The following SMPDL3B variants were observed in gnomAD, a reference collection of about 807,000 sequenced individuals.
SMPDL3B encodes the protein acid sphingomyelinase-like phosphodiesterase 3b.
Under a neutral mutation model 37.9 loss-of-function variants are expected in SMPDL3B, and 31 were observed. That is an observed-to-expected ratio of 0.82 (90% CI 0.61 to 1.10). The LOEUF (loss-of-function observed/expected upper bound fraction) is 1.10. Among genes scored for constraint, SMPDL3B ranks in the 50% least tolerant of loss-of-function variants. The pLI, the probability that SMPDL3B is intolerant of heterozygous loss-of-function variation, is 0.00. For synonymous variants in SMPDL3B, 235 were observed against 242.6 expected, an observed-to-expected ratio of 0.97 and a Z score of 0.29; for missense variants, 525 against 597.8, an observed-to-expected ratio of 0.88 and a Z score of 1.27.
At chr1:27,947,085 G>A (rs1434647692) in intron 2 of SMPDL3B, among the ~76,000 whole-genome samples, 1 of 150,188 alleles carries the variant, frequency 6.7e-6, no homozygotes. Context: ...TGCCCAGGCT[G>A]GAGTGCAATG....
In SMPDL3B at chr1:27,958,063, T is replaced by A. The variant is rs1638341810; in HGVS notation, c.1006-413T>A. 6.6e-6 allele frequency among the ~76,000 whole-genome samples: 1 copy of A among 152,186 alleles called. No individual in the cohort carries two copies. The highest frequency in any genetic ancestry group is 1.5e-5 in the Non-Finnish European group (1 of 68,022). On this transcript the variant is annotated intron_variant, in intron 7 of 7. Coordinates refer to ENST00000373894, the MANE Select transcript of SMPDL3B (RefSeq NM_014474.4). The surrounding 1 kb of genome is among the most constrained non-coding windows in gnomAD (Gnocchi z 5.6). ...CTGGGTCCTAGGAGTCTACAGTTCATAATCTCTCTCATGCTTAGTGTTGCT... is the reference window on the plus strand; with the variant it reads ...CTGGGTCCTAGGAGTCTACAGTTCAAAATCTCTCTCATGCTTAGTGTTGCT...
chr1:27,957,787 C>T (rs1638334772), intron 7 of SMPDL3B, among the ~76,000 whole-genome samples: 1 of 152,152 alleles, frequency 6.6e-6, no homozygotes, highest in African/African-American at 2.4e-5. Context: ...TGAATCCTGG[C>T]TCCACCACTC....
Position 27,945,183 on chromosome 1 carries a change from A to G in SMPDL3B, c.62-49A>G, listed in dbSNP as rs538609600. ...GGCTCCCCTGGACTTCCTTGCTTCC[A>G]GGCTGAGAGAGAGACCAGCTTTGAA... On this transcript the variant is annotated intron_variant, in intron 1 of 7. Transcript: ENST00000373894. The surrounding 1 kb of genome is among the most constrained non-coding windows in gnomAD (Gnocchi z 4.0). 3 of 1,590,022 alleles carry G rather than the reference A, an allele frequency of 1.9e-6. No homozygotes were observed. In the South Asian group the frequency reaches 3.3e-5, roughly 18 times the overall value.
rs937254138 is a variant in SMPDL3B at position 27,958,292 on chromosome 1, G to A, written c.1006-184G>A. Among the ~76,000 whole-genome samples, 1 of 152,116 alleles carries A rather than the reference G, an allele frequency of 6.6e-6. No homozygotes were observed. Among genetic ancestry groups the A allele is most frequent in the African/African-American group, 2.4e-5 (1 of 41,400 alleles). ...CTCATTTGTGAAACCTAGGTAATAA[G>A]CGCAGTTACCTCATTCGATTCAGAG... is the stretch of plus-strand genomic sequence containing the variant. On this transcript the variant is annotated intron_variant, in intron 7 of 7. Coordinates refer to ENST00000373894, the MANE Select transcript of SMPDL3B (RefSeq NM_014474.4). The surrounding 1 kb of genome is among the most constrained non-coding windows in gnomAD (Gnocchi z 5.6).
chr1:27,954,503 G>A lies in SMPDL3B; in HGVS notation c.667G>A (p.Asp223Asn), dbSNP rs760838859. 37 of 1,613,812 alleles carry A rather than the reference G, an allele frequency of 2.3e-5. No individual in the cohort carries two copies. The highest frequency in any genetic ancestry group is 3.3e-5 in the Admixed American group (2 of 60,002). ...CCAGTGGCTGGAAGATGTGCTGACC[G>A]ATGCATCCAAAGCTGGGGACATGGT... ...QFQWLEDVLT[D>N]ASKAGDMVYI... Residue 223 changes from aspartate (D) to asparagine (N), a missense_variant, in exon 5 of 8, where the codon GAT becomes AAT. Physicochemically the swap from Asp to Asn is conservative, Grantham distance 23 (BLOSUM62 1). Coordinates refer to ENST00000373894, the MANE Select transcript of SMPDL3B (RefSeq NM_014474.4).
chr1:27,956,249 C>T, intron 7 of SMPDL3B, 167 bp downstream of exon 7: 1 of 1,553,402 alleles, frequency 6.4e-7, no homozygotes, highest in Non-Finnish European at 8.7e-7. Context: ...GAGGCACCTG[C>T]CACCGAGTCA....
Position 27,954,422 on chromosome 1 carries a change from C to A in SMPDL3B, c.586C>A (p.Leu196Met). ...GCGAATTGTGGTCCTCAACACCAATCTGTACTATACCAGCAATGCGCTGAC... is the reference window on the plus strand; with the variant it reads ...GCGAATTGTGGTCCTCAACACCAATATGTACTATACCAGCAATGCGCTGAC... ...AGRIVVLNTNLYYTSNALTAD... is the reference protein window; with the variant it reads ...AGRIVVLNTNMYYTSNALTAD... Residue 196 changes from leucine to methionine, a missense_variant, in exon 5 of 8, where the codon CTG (leucine) becomes ATG (methionine). Transcript: ENST00000373894. 2 of 1,614,102 alleles carry A rather than the reference C, an allele frequency of 1.2e-6. No homozygotes were observed. The highest frequency in any genetic ancestry group is 1.7e-6 in the Non-Finnish European group (2 of 1,180,018).
chr1:27,956,258 C>T, intron 7 of SMPDL3B, 176 bp downstream of exon 7: 1 of 1,536,486 alleles, frequency 6.5e-7, no homozygotes, highest in Non-Finnish European at 8.7e-7. Context: ...GCCACCGAGT[C>T]AGGGCAGTGC....
chr1:27,942,194 G>A, intron 1 of SMPDL3B: 1 of 419,626 alleles, frequency 2.4e-6, no homozygotes. Flanking sequence ...GACGTCAAAG[G>A]GGCCAAACTG....
At chr1:27,955,182 T>C (rs1012273660) in intron 5 of SMPDL3B, among the ~76,000 whole-genome samples, 1 of 152,152 alleles carries the variant, frequency 6.6e-6, no homozygotes, top group Non-Finnish European at 1.5e-5. Context: ...ACAGCTGGTG[T>C]CTAAGCTGCA....
chr1:27,956,244 A>C (rs778735907), intron 7 of SMPDL3B, 162 bp downstream of exon 7: 1 of 1,555,642 alleles, frequency 6.4e-7, no homozygotes. Context: ...CCCTGGAGGC[A>C]CCTGCCACCG....
chr1:27,947,105 T>C (rs1439519648), intron 2 of SMPDL3B, among the ~76,000 whole-genome samples: 1 of 151,880 alleles, frequency 6.6e-6, no homozygotes, highest in Non-Finnish European at 1.5e-5. Context: ...GGCGTGATCT[T>C]GGCTCACCAC....
chr1:27,948,235 TAGA>T (rs960657528), intron 2 of SMPDL3B, among the ~76,000 whole-genome samples: 14 of 152,204 alleles, frequency 9.2e-5, no homozygotes, highest in African/African-American at 3.4e-4. Flanking sequence ...AAACTAATAA[TAGA>T]ATTTACATTG....
chr1:27,946,397 C>A (rs542028401), intron 2 of SMPDL3B, among the ~76,000 whole-genome samples: 1 of 152,026 alleles, frequency 6.6e-6, no homozygotes, highest in East Asian at 1.9e-4. Context: ...ACCCCCATCT[C>A]CTCGCTTGCT....
At chr1:27,948,200 GTTTC>G (rs1429443582) in intron 2 of SMPDL3B, among the ~76,000 whole-genome samples, 1 of 152,088 alleles carries the variant, frequency 6.6e-6, no homozygotes, top group Non-Finnish European at 1.5e-5. Context: ...CTGTGTCTTG[GTTTC>G]TTTATCTGTC....
chr1:27,958,797 C>T lies in SMPDL3B; in HGVS notation c.1327C>T (p.Leu443=). 6.2e-7 allele frequency: 1 copy of T among 1,606,952 alleles called. No homozygotes were observed. The highest frequency in any genetic ancestry group is 8.5e-7 in the Non-Finnish European group (1 of 1,175,456). The change falls in exon 8 of 8, where the codon CTG becomes TTG. Residue 443 remains leucine, a synonymous_variant. Transcript: ENST00000373894. The surrounding 1 kb of genome is among the most constrained non-coding windows in gnomAD (Gnocchi z 5.6). ...GTTPVPQLPL[L]LMALLGLCTL... ...CACGCCCGTGCCCCAGCTCCCGCTG[C>T]TGCTGATGGCCCTGCTGGGCCTGTG...
chr1:27,936,537 A>G (rs1354643160), intron 1 of SMPDL3B: 2 of 152,146 alleles, frequency 1.3e-5, no homozygotes, highest in African/African-American at 4.8e-5. Context: ...CATTTTGCAG[A>G]TGAGGCAAAT....
intron 4 of SMPDL3B, among the ~76,000 whole-genome samples, chr1:27,954,113 G>A (rs867730493): frequency 2.0e-5 from 3 of 152,240 alleles, no homozygotes; most frequent in South Asian, 4.1e-4. Context: ...TAAGGAAACC[G>A]AAGTATAGAG....
chr1:27,946,353 CAA>C (rs369329982), intron 2 of SMPDL3B, among the ~76,000 whole-genome samples: 3 of 134,624 alleles, frequency 2.2e-5, no homozygotes, highest in Admixed American at 7.6e-5. Context: ...GACTCTGTCT[CAA>C]AAAAAAAAAA....
Sources: allele counts gnomAD v4.1 joint callset (sites outside exome capture counted in the v4.1 genomes callset), GRCh38; gene constraint gnomAD v4.1.1; non-coding constraint Gnocchi (gnomAD v3.1); transcripts MANE v1.5; gene names NCBI Gene and HGNC (gene_info 2026-07-23, HGNC 2026-07-21).